Variants in MYO1E observed in about 807,000 individuals in gnomAD.
MYO1E encodes unconventional myosin-Ie.
In MYO1E, 68 loss-of-function variants were observed where a neutral mutation model predicts 151.1. That is an observed-to-expected ratio of 0.45 (90% confidence interval 0.37 to 0.55). MYO1E has a LOEUF of 0.55. Among genes scored for constraint, MYO1E ranks in the 20% least tolerant of loss-of-function variants. The pLI, the probability that MYO1E is intolerant of heterozygous loss-of-function variation, is 0.00. For synonymous variants in MYO1E, 601 were observed against 501.7 expected (o/e 1.20, Z -2.64); for missense variants, 1,363 against 1,389.3 (o/e 0.98, Z 0.30).
intron 1 of MYO1E, among the ~76,000 whole-genome samples, chr15:59,335,874 A>G (rs1437578872): frequency 6.6e-6 from 1 of 152,098 alleles, no homozygotes. Flanking sequence ...AATGAGTGTC[A>G]CGGACTATAA....
chr15:59,259,901 G>T (rs1393491049), intron 3 of MYO1E, among the ~76,000 whole-genome samples: 1 of 152,000 alleles, frequency 6.6e-6, no homozygotes, highest in African/African-American at 2.4e-5. Flanking sequence ...GTAGATTTTA[G>T]TACTTCATCT....
intron 23 of MYO1E, among the ~76,000 whole-genome samples, chr15:59,162,093 G>A (rs1414994900): frequency 6.6e-6 from 1 of 152,200 alleles, no homozygotes; most frequent in Admixed American, 6.5e-5. Flanking sequence ...CTGGCGTGCA[G>A]TGGTGCGGTC....
chr15:59,171,576 C>G (rs1465707779), intron 22 of MYO1E, among the ~76,000 whole-genome samples: 1 of 152,156 alleles, frequency 6.6e-6, no homozygotes, highest in Non-Finnish European at 1.5e-5. Flanking sequence ...CTTGGCTCTA[C>G]TGCAACAAGA....
chr15:59,297,067 T>C (rs181764762), intron 1 of MYO1E, among the ~76,000 whole-genome samples: 4 of 131,072 alleles, frequency 3.1e-5, no homozygotes, highest in African/African-American at 1.1e-4. Context: ...TTAGCCAGGA[T>C]GGTCTCGATC....
chr15:59,174,913 T>C (rs1343559831), intron 19 of MYO1E, among the ~76,000 whole-genome samples: 1 of 152,110 alleles, frequency 6.6e-6, no homozygotes, highest in Non-Finnish European at 1.5e-5. Flanking sequence ...TAGCAGGTCT[T>C]GAGAGTCCGG....
chr15:59,337,725 G>A (rs563270394), intron 1 of MYO1E, among the ~76,000 whole-genome samples: 8 of 152,212 alleles, frequency 5.3e-5, no homozygotes, highest in Admixed American at 2.6e-4. Context: ...CCAGCTACTC[G>A]GGAGGCTGAG....
chr15:59,165,217 G>A (rs935183598), intron 22 of MYO1E, among the ~76,000 whole-genome samples: 4 of 152,180 alleles, frequency 2.6e-5, no homozygotes, highest in Non-Finnish European at 5.9e-5. Flanking sequence ...AGCACAATTG[G>A]ATAGGAAGGC....
rs1428021567 is a variant in MYO1E, at chr15:59,224,700, G to A, written c.766C>T (p.Gln256Ter). Residue 256 changes from glutamine to a stop codon, truncating the protein, a stop_gained, in exon 8 of 28, where the codon CAG (glutamine) becomes TAG (stop). Coordinates refer to ENST00000288235, the MANE Select transcript of MYO1E (RefSeq NM_004998.4). LOFTEE classifies it high-confidence loss of function. ...GCGCCAGCACTTACCAGAGTTTCCT[G>A]AAACTCCCGCCTGTCGTCAATGTCA... Reference protein sequence around the residue: ...VDDIDDRREFQETLHAMNVIG... With the variant: ...VDDIDDRREF 6.2e-7 allele frequency: 1 copy of A among 1,614,204 alleles called. No individual in the cohort carries two copies. The highest frequency in any genetic ancestry group is 8.5e-7 in the Non-Finnish European group (1 of 1,180,034).
intron 1 of MYO1E, among the ~76,000 whole-genome samples, chr15:59,298,705 C>G (rs977839972): frequency 6.6e-6 from 1 of 152,144 alleles, no homozygotes; most frequent in Non-Finnish European, 1.5e-5. Flanking sequence ...CAGACCAGAT[C>G]GCTTAAATCC....
At chr15:59,266,996 G>A (rs2080259217) in intron 2 of MYO1E, 1 of 138,728 alleles carries the variant, frequency 7.2e-6, no homozygotes, top group Non-Finnish European at 1.5e-5. Context: ...ATTAGGCAAT[G>A]CTAAGAGTTG....
chr15:59,263,770 A>T (rs2140375574), intron 2 of MYO1E, among the ~76,000 whole-genome samples: 1 of 152,262 alleles, frequency 6.6e-6, no homozygotes, highest in South Asian at 2.1e-4. Context: ...CTAAGAGAAA[A>T]TGCTGATGAG....
intron 2 of MYO1E, among the ~76,000 whole-genome samples, chr15:59,267,943 T>C (rs190602256): frequency 2.0e-3 from 305 of 152,258 alleles, no homozygotes; most frequent in African/African-American, 7.1e-3. Context: ...TTTCCTAATG[T>C]AGAAGAAATG....
intron 1 of MYO1E, among the ~76,000 whole-genome samples, chr15:59,314,239 C>T (rs538019705): frequency 6.6e-6 from 1 of 152,170 alleles, no homozygotes; most frequent in African/African-American, 2.4e-5. Context: ...TCCCCATCCC[C>T]TGAATATGAA....
intron 1 of MYO1E, among the ~76,000 whole-genome samples, chr15:59,345,611 T>G (rs983078873): frequency 2.0e-5 from 3 of 152,236 alleles, no homozygotes; most frequent in African/African-American, 7.2e-5. Flanking sequence ...GCCTAACTAC[T>G]TTTATACTTC....
chr15:59,193,468 C>A (rs80157175), intron 17 of MYO1E, among the ~76,000 whole-genome samples: 1 of 151,998 alleles, frequency 6.6e-6, no homozygotes, highest in African/African-American at 2.4e-5. Context: ...AAAGGAGAAG[C>A]GGAACTATAC....
intron 13 of MYO1E, among the ~76,000 whole-genome samples, chr15:59,209,815 CTTTTTTTTTT>C (rs71119441): frequency 8.0e-5 from 4 of 49,868 alleles, no homozygotes; most frequent in African/African-American, 2.0e-4. Flanking sequence ...TTTGAATCAC[CTTTTTTTTTT>C]TTTTTTTTTT....
chr15:59,288,746 G>A (rs1298814123), intron 1 of MYO1E, among the ~76,000 whole-genome samples: 1 of 148,400 alleles, frequency 6.7e-6, no homozygotes, highest in African/African-American at 2.5e-5. Flanking sequence ...CTCAAGTGAT[G>A]TATAACTGGA....
chr15:59,214,361 T>C (rs779775092), intron 11 of MYO1E, 47 bp from the exon 12 acceptor site: 24 of 1,388,826 alleles, frequency 1.7e-5, no homozygotes, highest in Non-Finnish European at 2.2e-5. Flanking sequence ...CAAAATCATT[T>C]AAAAGTCATT....
chr15:59,143,045 C>T (rs562061113), intron 26 of MYO1E, among the ~76,000 whole-genome samples: 23 of 151,834 alleles, frequency 1.5e-4, no homozygotes, highest in Admixed American at 5.3e-4. Flanking sequence ...GGATGCAGGA[C>T]GCAAAAAGCT....
Sources: allele counts gnomAD v4.1 joint callset (sites outside exome capture counted in the v4.1 genomes callset), GRCh38; gene constraint gnomAD v4.1.1; transcripts MANE v1.5; gene names NCBI Gene and HGNC (gene_info 2026-07-23, HGNC 2026-07-21).